The following CFAP92 variants were observed in gnomAD, a reference collection of about 807,000 sequenced individuals.
CFAP92 encodes the protein cilia and flagella associated protein 92 (putative), also known as uncharacterized protein CFAP92.
Under a neutral mutation model 106.3 loss-of-function variants are expected in CFAP92, and 86 were observed. That is an observed-to-expected ratio of 0.81 (90% CI 0.68 to 0.97). CFAP92 has a LOEUF of 0.97. Among genes scored for constraint, CFAP92 ranks in the 50% least tolerant of loss-of-function variants. The probability of loss-of-function intolerance (pLI) is 0.00; values close to 1 mark genes in which losing one functional copy is unlikely to be tolerated. For missense variants in CFAP92, 1,204 were observed against 1,283.8 expected, an observed-to-expected ratio of 0.94 and a Z score of 0.95; for synonymous variants, 477 against 506.4, an observed-to-expected ratio of 0.94 and a Z score of 0.78.
chr3:128,932,828 T>C lies in CFAP92; in HGVS notation c.2623A>G (p.Asn875Asp). ...LFALPPQPAP[N>D]LEDYHSRNST... is the part of the protein sequence containing the mutation. ...TTCCGACTGTGGTAGTCCTCAAGAT[T>C]GGGGGCAGGCTGAGGTGGTAGGGCA... Residue 875 changes from asparagine (N) to aspartate (D), a missense_variant, in exon 12 of 16, where the codon AAT becomes GAT. Coordinates refer to ENST00000645291, the MANE Select transcript of CFAP92 (RefSeq NM_001394090.1). The C allele has an allele frequency of 6.5e-7, 1 of 1,536,168 alleles. No individual in the cohort carries two copies. The highest frequency in any genetic ancestry group is 1.2e-5 in the South Asian group (1 of 84,058).
chr3:128,953,158 A>G (rs1016959701), intron 9 of CFAP92, among the ~76,000 whole-genome samples: 35 of 152,182 alleles, frequency 2.3e-4, no homozygotes, highest in African/African-American at 8.2e-4. Context: ...GATGGACTCA[A>G]TGCAGAATGG....
At chr3:128,930,251 C>G (rs967056695) in intron 12 of CFAP92, among the ~76,000 whole-genome samples, 3 of 151,978 alleles carry the variant, frequency 2.0e-5, no homozygotes, top group Non-Finnish European at 4.4e-5. Flanking sequence ...CCTGGGTTCA[C>G]GCCATTCTCC....
intron 1 of CFAP92, 173 bp downstream of exon 1, chr3:128,993,807 C>T (rs549803668): frequency 2.4e-6 from 1 of 411,780 alleles, no homozygotes; most frequent in Non-Finnish European, 3.5e-6. Context: ...CAAGACAGAA[C>T]ATGAATGTGC....
chr3:129,009,006 C>T, the CFAP92 span, among the ~76,000 whole-genome samples: 5 of 131,986 alleles, frequency 3.8e-5, no homozygotes, highest in Admixed American at 2.6e-4. Context: ...TGATTATTGG[C>T]GGGGTGGGGG....
intron 9 of CFAP92, among the ~76,000 whole-genome samples, chr3:128,956,196 T>TAAAAAAAAAAAAAAAAAAAAAAAA (rs577724635): frequency 4.9e-5 from 3 of 61,714 alleles, no homozygotes; most frequent in East Asian, 4.3e-4. Flanking sequence ...AAAAAAAAAA[T>TAAAAAAAAAAAAAAAAAAAAAAAA]AAAAAAAAAA....
At chr3:128,928,321 T>C (rs1937936610) in intron 12 of CFAP92, among the ~76,000 whole-genome samples, 1 of 152,160 alleles carries the variant, frequency 6.6e-6, no homozygotes, top group African/African-American at 2.4e-5. Context: ...GGCAAGCTGA[T>C]CTTAAAATAT....
Position 128,945,906 on chromosome 3 carries a change from G to T in CFAP92, c.1423C>A (p.Pro475Thr). The change falls in exon 10 of 16, where the codon CCC becomes ACC. Residue 475 changes from proline to threonine, a missense_variant. Pro to Thr is a conservative substitution (Grantham distance 38, BLOSUM62 -1). Transcript: ENST00000645291. ...TGGAAATAAACGTGGGTTCCATGGG[G>T]CTCCCCCTTGGTCTTGTGAACTGGA... is the stretch of plus-strand genomic sequence containing the variant. ...KTPVHKTKGE[P>T]HGTHVYFQDI... is the part of the protein sequence containing the mutation. 6.8e-7 allele frequency: 1 copy of T among 1,461,908 alleles called. No homozygotes were observed. Among genetic ancestry groups the T allele is most frequent in the Non-Finnish European group, 9.0e-7 (1 of 1,115,132 alleles). 90.6% of individuals were successfully genotyped at this position (1,461,908 alleles called of 1,614,324 possible). A position where few individuals can be genotyped will look rare whatever the true frequency, so the allele number is the denominator to read the frequency against.
chr3:128,995,521 C>A (rs1944447031), upstream of CFAP92, among the ~76,000 whole-genome samples: 1 of 152,176 alleles, frequency 6.6e-6, no homozygotes, highest in Non-Finnish European at 1.5e-5. Context: ...GATACACCAG[C>A]CCCCAAAAGG....
chr3:128,932,869 G>A lies in CFAP92; in HGVS notation c.2582C>T (p.Thr861Ile). 6.5e-7 allele frequency: 1 copy of A among 1,536,232 alleles called. No individual in the cohort carries two copies. The highest frequency in any genetic ancestry group is 8.7e-7 in the Non-Finnish European group (1 of 1,146,936). Residue 861 changes from threonine to isoleucine, a missense_variant, in exon 12 of 16, where the codon ACA becomes ATA. By Grantham distance (89) the Thr-to-Ile change is moderately conservative. Transcript: ENST00000645291. ...TGGTAGGGCAAACAGTTTCTCATCT[G>A]TGAGTTCTTCTTGCGAAAGGGGCAT... ...FGMPLSQEEL[T>I]DEKLFALPPQ... is the part of the protein sequence containing the mutation.
intron 4 of CFAP92, among the ~76,000 whole-genome samples, chr3:128,986,855 G>T (rs530068791): frequency 2.0e-5 from 3 of 152,294 alleles, no homozygotes; most frequent in Admixed American, 2.0e-4. Context: ...CCTTCAAAAT[G>T]AGTTCAAAAG....
chr3:128,927,988 C>G (rs1937880159), intron 12 of CFAP92, among the ~76,000 whole-genome samples: 1 of 152,148 alleles, frequency 6.6e-6, no homozygotes, highest in Admixed American at 6.5e-5. Context: ...TGCGGTGGCT[C>G]AAGCCTGTAA....
At chr3:128,988,654 A>C in intron 3 of CFAP92, 74 bp downstream of exon 3, 1 of 1,458,530 alleles carries the variant, frequency 6.9e-7, no homozygotes, top group Non-Finnish European at 9.4e-7. Flanking sequence ...CTGATGTTGC[A>C]TATCCATGGA....
chr3:129,003,842 G>A (rs114656923), upstream of CFAP92: 16,353 of 1,458,774 alleles, frequency 0.011, 601 homozygotes, highest in African/African-American at 0.11. Context: ...GGGGCACGGC[G>A]GGCCGGAGGC....
chr3:128,920,441 T>C (rs1937176656), intron 12 of CFAP92, among the ~76,000 whole-genome samples: 1 of 152,008 alleles, frequency 6.6e-6, no homozygotes, highest in Non-Finnish European at 1.5e-5. Flanking sequence ...TTAATCAAAA[T>C]AAATGAAAAT....
chr3:129,012,086 G>A, the CFAP92 span, among the ~76,000 whole-genome samples: 5 of 152,212 alleles, frequency 3.3e-5, no homozygotes, highest in Non-Finnish European at 7.3e-5. Context: ...GTGGCCTGAA[G>A]TGCCAGACCA....
the CFAP92 span, among the ~76,000 whole-genome samples, chr3:129,020,216 C>G: frequency 6.6e-6 from 1 of 152,230 alleles, no homozygotes; most frequent in South Asian, 2.1e-4. Flanking sequence ...GAAAGATGAA[C>G]AAGCAGGAAG....
chr3:128,931,832 A>C (rs1938427508), intron 12 of CFAP92, among the ~76,000 whole-genome samples: 1 of 151,862 alleles, frequency 6.6e-6, no homozygotes, highest in Non-Finnish European at 1.5e-5. Flanking sequence ...AGACCAGCCT[A>C]GGCAACACAG....
upstream of CFAP92, among the ~76,000 whole-genome samples, chr3:128,997,709 C>A (rs1174155236): frequency 6.6e-6 from 1 of 152,224 alleles, no homozygotes; most frequent in Non-Finnish European, 1.5e-5. Flanking sequence ...ATCCATTCAT[C>A]AGTTAATGGG....
chr3:128,962,104 TC>T (rs1941972660), intron 9 of CFAP92, among the ~76,000 whole-genome samples: 1 of 152,136 alleles, frequency 6.6e-6, no homozygotes, highest in African/African-American at 2.4e-5. Context: ...TGGCAGCCAC[TC>T]CCAGAGCCCC....
Sources: gnomAD v4.1 joint callset for allele counts (sites outside exome capture counted in the v4.1 genomes callset) on GRCh38, gnomAD v4.1.1 for gene constraint, MANE v1.5 for transcripts, NCBI Gene and HGNC (gene_info 2026-07-23, HGNC 2026-07-21) for gene names.